The following ASAP1 variants were observed in gnomAD, a reference collection of about 807,000 sequenced individuals.
ASAP1 encodes the protein arf-GAP with SH3 domain, ANK repeat and PH domain-containing protein 1.
In ASAP1, 43 loss-of-function variants were observed where a neutral mutation model predicts 145.2. The observed-to-expected ratio is 0.30, with a 90% CI of 0.23 to 0.38. The LOEUF is 0.38. Ranked by LOEUF, ASAP1 falls within the 10% of genes least tolerant of loss-of-function variation. ASAP1 has a pLI of 1.00. For synonymous variants in ASAP1, 546 were observed against 515.5 expected, an observed-to-expected ratio of 1.06 and a Z score of -0.80; for missense variants, 1,018 against 1,355.3, an observed-to-expected ratio of 0.75 and a Z score of 3.91.
At chr8:130,270,156 C>A (rs1003893546) in intron 3 of ASAP1, among the ~76,000 whole-genome samples, 12 of 152,114 alleles carry the variant, frequency 7.9e-5, no homozygotes, top group Non-Finnish European at 1.2e-4. Flanking sequence ...CGTGACAGAG[C>A]GAGAATCTTG....
At chr8:130,106,695 C>G (rs565754568) in intron 24 of ASAP1, among the ~76,000 whole-genome samples, 16 of 152,382 alleles carry the variant, frequency 1.0e-4, no homozygotes, top group Admixed American at 2.6e-4. Flanking sequence ...ATCCTACTCT[C>G]TGTGCCAGGG....
chr8:130,198,321 C>T (rs1354390373), intron 5 of ASAP1, among the ~76,000 whole-genome samples: 2 of 151,892 alleles, frequency 1.3e-5, no homozygotes, highest in South Asian at 2.1e-4. Context: ...GACAGGGTTT[C>T]GTCATGTTGA....
intron 1 of ASAP1, among the ~76,000 whole-genome samples, chr8:130,405,381 C>T (rs1182312946): frequency 6.6e-6 from 1 of 152,222 alleles, no homozygotes; most frequent in Non-Finnish European, 1.5e-5. Flanking sequence ...GCCAGGCTTC[C>T]TCTGCATAAA....
At chr8:130,376,554 C>A (rs938578389) in intron 2 of ASAP1, among the ~76,000 whole-genome samples, 1 of 151,998 alleles carries the variant, frequency 6.6e-6, no homozygotes, top group African/African-American at 2.4e-5. Flanking sequence ...GGTGAAACCC[C>A]GTCGCTACTA....
At chr8:130,248,706 T>C (rs564403758) in intron 3 of ASAP1, among the ~76,000 whole-genome samples, 2 of 152,260 alleles carry the variant, frequency 1.3e-5, no homozygotes, top group East Asian at 3.9e-4. Flanking sequence ...ACAACACTTA[T>C]CTGAAGTATT....
At chr8:130,347,391 CT>C (rs1393514330) in intron 3 of ASAP1, among the ~76,000 whole-genome samples, 1 of 152,226 alleles carries the variant, frequency 6.6e-6, no homozygotes, top group Non-Finnish European at 1.5e-5. Flanking sequence ...AAACTAACAT[CT>C]TCCAAGCGTC....
intron 28 of ASAP1, among the ~76,000 whole-genome samples, chr8:130,058,590 C>G (rs540424397): frequency 1.3e-5 from 2 of 152,112 alleles, no homozygotes; most frequent in Admixed American, 6.5e-5. Flanking sequence ...GCCTGGGGCT[C>G]GGAGAAGTCT....
At chr8:130,302,701 G>A (rs1236184000) in intron 3 of ASAP1, among the ~76,000 whole-genome samples, 1 of 152,182 alleles carries the variant, frequency 6.6e-6, no homozygotes, top group Non-Finnish European at 1.5e-5. Flanking sequence ...AGTTTCATTA[G>A]CTTCATTAAA....
Position 130,161,632 on chromosome 8 carries a change from CTTGAG to C in ASAP1, c.910-1673_910-1669del, listed in dbSNP as rs547211742. Among the ~76,000 whole-genome samples, 58 of 152,240 alleles carry C rather than the reference CTTGAG, an allele frequency of 3.8e-4. 2 individuals are homozygous for C. Among genetic ancestry groups the C allele is most frequent in the Admixed American group, 1.1e-3 (17 of 15,284 alleles). On this transcript the variant is annotated intron_variant, in intron 11 of 29. Coordinates refer to ENST00000518721, the MANE Select transcript of ASAP1 (RefSeq NM_018482.4). Reference sequence around the variant, plus strand: ...TGACTCACATTAAAGAGGTTACAAACTTGAGTTATTTTCTATTTGAATAATTTCTC... The same window carrying C: ...TGACTCACATTAAAGAGGTTACAAACTTATTTTCTATTTGAATAATTTCTC...
intron 14 of ASAP1, among the ~76,000 whole-genome samples, chr8:130,136,440 T>C (rs541974582): frequency 6.6e-6 from 1 of 152,282 alleles, no homozygotes; most frequent in South Asian, 2.1e-4. Context: ...CTTTAAGAGC[T>C]AGATTTTGCA....
At chr8:130,438,892 C>G (rs1258481550) in intron 1 of ASAP1, among the ~76,000 whole-genome samples, 1 of 152,178 alleles carries the variant, frequency 6.6e-6, no homozygotes, top group East Asian at 1.9e-4. Context: ...CTCCCCAGAG[C>G]TCCCGTAACA....
At chr8:130,186,830 C>T (rs894496613) in intron 7 of ASAP1, among the ~76,000 whole-genome samples, 3 of 152,152 alleles carry the variant, frequency 2.0e-5, no homozygotes, top group South Asian at 4.1e-4. Flanking sequence ...ACTTAGTGCA[C>T]GTCCTGGCAG....
intron 5 of ASAP1, among the ~76,000 whole-genome samples, chr8:130,200,547 T>C (rs576735419): frequency 1.4e-3 from 219 of 152,216 alleles, no homozygotes; most frequent in African/African-American, 5.2e-3. Flanking sequence ...ATGAACCCAA[T>C]GTTAAAAAAA....
intron 5 of ASAP1, among the ~76,000 whole-genome samples, chr8:130,204,124 C>T (rs1816049064): frequency 6.6e-6 from 1 of 152,160 alleles, no homozygotes; most frequent in Non-Finnish European, 1.5e-5. Context: ...TTGAGCGAAG[C>T]TGAGTTCCGC....
intron 5 of ASAP1, among the ~76,000 whole-genome samples, chr8:130,190,454 T>C (rs1586558191): frequency 1.3e-5 from 2 of 152,320 alleles, no homozygotes; most frequent in Admixed American, 1.3e-4. Context: ...CAAAAATAAG[T>C]TGACTGTGAG....
At chr8:130,063,715 A>C (rs1028460525) in intron 27 of ASAP1, among the ~76,000 whole-genome samples, 1 of 152,202 alleles carries the variant, frequency 6.6e-6, no homozygotes, top group African/African-American at 2.4e-5. Context: ...TCACAAAGTG[A>C]GTAAGAAGAG....
chr8:130,155,349 T>C (rs1031263197), intron 12 of ASAP1, among the ~76,000 whole-genome samples: 3 of 152,114 alleles, frequency 2.0e-5, no homozygotes, highest in African/African-American at 2.4e-5. Flanking sequence ...CCTGGCACAG[T>C]TGAGAGCAGT....
intron 13 of ASAP1, among the ~76,000 whole-genome samples, chr8:130,144,088 C>T (rs139241324): frequency 3.9e-5 from 6 of 152,190 alleles, no homozygotes; most frequent in Admixed American, 1.3e-4. Flanking sequence ...ATGGTCATTT[C>T]AAAGTTTTCA....
chr8:130,309,908 C>T (rs1035016947), intron 3 of ASAP1, among the ~76,000 whole-genome samples: 4 of 152,258 alleles, frequency 2.6e-5, no homozygotes, highest in African/African-American at 7.2e-5. Flanking sequence ...CAGAACTCAG[C>T]ATGAGTCTTT....
Sources: gnomAD v4.1 joint callset for allele counts (sites outside exome capture counted in the v4.1 genomes callset) on GRCh38, gnomAD v4.1.1 for gene constraint, MANE v1.5 for transcripts, NCBI Gene and HGNC (gene_info 2026-07-23, HGNC 2026-07-21) for gene names.